The following DHX57 variants were observed in gnomAD, a reference collection of about 807,000 sequenced individuals.
The protein encoded by DHX57 is putative ATP-dependent RNA helicase DHX57.
Under a neutral mutation model 156.2 loss-of-function variants are expected in DHX57, and 105 were observed. The ratio of observed to expected loss-of-function variants is 0.67; its 90% CI spans 0.57 to 0.79. DHX57 has a LOEUF of 0.79. Among genes scored for constraint, DHX57 ranks in the 30% least tolerant of loss-of-function variants. The pLI is 0.00. For missense variants in DHX57, 1,847 were observed against 1,661.9 expected (o/e 1.11, Z -1.94); for synonymous variants, 704 against 595.6 (o/e 1.18, Z -2.65).
chr2:38,818,786 G>A (rs1670670997), intron 19 of DHX57, 91 bp downstream of exon 19: 9 of 1,407,104 alleles, frequency 6.4e-6, no homozygotes, highest in Non-Finnish European at 9.0e-6. Flanking sequence ...CATTTGCAAT[G>A]TTAAGACAGG....
chr2:38,803,533 G>T (rs1669798618), intron 22 of DHX57, among the ~76,000 whole-genome samples: 1 of 151,304 alleles, frequency 6.6e-6, no homozygotes, highest in Non-Finnish European at 1.5e-5. Context: ...TTTTGTCCAG[G>T]CTGGAGTGCA....
Position 38,819,068 on chromosome 2 carries a change from G to T in DHX57, c.3368C>A (p.Ala1123Asp). 6.2e-7 allele frequency: 1 copy of T among 1,614,186 alleles called. No homozygotes were observed. The highest frequency in any genetic ancestry group is 1.3e-5 in the African/African-American group (1 of 75,046). Residue 1123 changes from alanine (A) to aspartate (D), a missense_variant, in exon 18 of 24, where the codon GCC becomes GAC. Transcript: ENST00000457308. Reference sequence around the variant, plus strand: ...ACTTACCTTATACGCTTGTAGAAGGGCCAGATAATCACTGTTTGCGAATGC... The same window carrying T: ...ACTTACCTTATACGCTTGTAGAAGGTCCAGATAATCACTGTTTGCGAATGC... ...EFAFANSDYL[A>D]LLQAYKGWQL...
chr2:38,837,715 C>A, intron 13 of DHX57, 116 bp downstream of exon 13: 2 of 664,272 alleles, frequency 3.0e-6, no homozygotes, highest in Non-Finnish European at 5.4e-6. Flanking sequence ...AACCCCACTG[C>A]CTTGTAGCCT....
chr2:38,858,023 A>C (rs1672991451), intron 6 of DHX57, among the ~76,000 whole-genome samples: 1 of 152,086 alleles, frequency 6.6e-6, no homozygotes, highest in African/African-American at 2.4e-5. Flanking sequence ...ATGTGTTACC[A>C]CGCCCGCCTG....
At chr2:38,840,840 G>C (rs1236635658) in intron 12 of DHX57, among the ~76,000 whole-genome samples, 2 of 151,782 alleles carry the variant, frequency 1.3e-5, no homozygotes, top group African/African-American at 4.8e-5. Context: ...TCTTTTTTTT[G>C]AGACAAGGTC....
chr2:38,858,672 G>A lies in DHX57; in HGVS notation c.1576C>T (p.Arg526Ter), dbSNP rs374731216. The A allele has an allele frequency of 1.2e-5, 20 of 1,612,794 alleles. No homozygotes were observed. Among genetic ancestry groups the A allele is most frequent in the Admixed American group, 3.3e-5 (2 of 59,732 alleles). ...AENGKICKQF[R>*]MKQASRQFQS... ...TCAGCATACCCTACCTGTTTCATTC[G>A]GAACTGCTTGCAGATTTTACCATTT... The change falls in exon 6 of 24, where the codon CGA becomes TGA. Residue 526 changes from arginine (R) to a stop codon, truncating the protein, a stop_gained. Transcript: ENST00000457308. LOFTEE classifies it high-confidence loss of function.
intron 6 of DHX57, among the ~76,000 whole-genome samples, chr2:38,858,432 T>A (rs201979789): frequency 3.0e-5 from 1 of 33,510 alleles, no homozygotes; most frequent in Non-Finnish European, 1.1e-4. Flanking sequence ...CACATGACTC[T>A]GAGACTATTT....
chr2:38,834,586 A>C (rs3112153), intron 13 of DHX57, among the ~76,000 whole-genome samples: 15,799 of 152,140 alleles, frequency 0.1, 1,098 homozygotes, highest in South Asian at 0.15. Context: ...GTTCTTGTGC[A>C]TTTTTCATTG....
intron 1 of DHX57, among the ~76,000 whole-genome samples, chr2:38,874,085 C>CTTTT (rs1387004406): frequency 1.4e-5 from 2 of 146,246 alleles, no homozygotes; most frequent in African/African-American, 2.5e-5. Flanking sequence ...ACTGTCTTTT[C>CTTTT]TTTTTTCTTT....
intron 10 of DHX57, 152 bp downstream of exon 10, chr2:38,848,117 C>A: frequency 1.2e-6 from 1 of 840,178 alleles, no homozygotes. Flanking sequence ...TATGTTACCT[C>A]CTTATCAGCT....
intron 21 of DHX57, chr2:38,811,232 G>T: frequency 2.0e-6 from 1 of 499,314 alleles, no homozygotes; most frequent in South Asian, 1.7e-5. Flanking sequence ...GTAGAACTCA[G>T]GGATCCTCCC....
At chr2:38,859,840 G>C (rs1012449113) in intron 5 of DHX57, among the ~76,000 whole-genome samples, 1 of 134,340 alleles carries the variant, frequency 7.4e-6, no homozygotes, top group Non-Finnish European at 1.6e-5. Flanking sequence ...TTTTAATTAA[G>C]AAATAGAGTC....
chr2:38,833,341 C>A (rs992577948), intron 13 of DHX57, among the ~76,000 whole-genome samples: 1 of 151,938 alleles, frequency 6.6e-6, no homozygotes, highest in Non-Finnish European at 1.5e-5. Context: ...TGGTGTTTCT[C>A]CATGTTGGCC....
rs146225438 is a variant in DHX57 at position 38,823,183 on chromosome 2, C to G, written c.3101G>C (p.Arg1034Pro). 8 of 1,613,842 alleles carry G rather than the reference C, an allele frequency of 5.0e-6. No individual in the cohort carries two copies. In the East Asian group the frequency reaches 1.8e-4, roughly 36 times the overall value. The part of the protein sequence containing the change: ...LIEPPHTDSL[R>P]ASKIRLRDLG... ...GTCTCGTAATCGTATTTTTGAGGCA[C>G]GAAGAGAATCGGTGTGTGGAGGTTC... is the stretch of plus-strand genomic sequence containing the variant. The change falls in exon 17 of 24, where the codon CGT (arginine) becomes CCT (proline). Residue 1034 changes from arginine to proline, a missense_variant. Arg to Pro is a moderately radical substitution (Grantham distance 103, BLOSUM62 -2). Coordinates refer to ENST00000457308, the MANE Select transcript of DHX57 (RefSeq NM_198963.3).
chr2:38,857,037 G>C (rs1168867367), intron 6 of DHX57: 2 of 153,760 alleles, frequency 1.3e-5, no homozygotes, highest in African/African-American at 4.8e-5. Flanking sequence ...TTCCCAACAA[G>C]AGTCTCTATA....
chr2:38,861,468 T>C lies in DHX57; in HGVS notation c.942A>G (p.Lys314=), dbSNP rs1673204006. 1.2e-6 allele frequency: 2 copies of C among 1,614,086 alleles called. No individual in the cohort carries two copies. Among genetic ancestry groups the C allele is most frequent in the South Asian group, 2.2e-5 (2 of 91,078 alleles). The change falls in exon 5 of 24, where the codon AAA becomes AAG. Residue 314 remains lysine (K), a synonymous_variant. Transcript: ENST00000457308. Reference sequence around the variant, plus strand: ...GTTTGAATCTGCATTTTGATCCAAATTTACAATTTCCTTTGAGGTAAAATT... The same window carrying C: ...GTTTGAATCTGCATTTTGATCCAAACTTACAATTTCCTTTGAGGTAAAATT... The part of the protein sequence containing the change: ...ICKFYLKGNC[K]FGSKCRFKHE...
At position 38,868,365 on chromosome 2, in the gene DHX57, C is replaced by G; in HGVS notation, c.41G>C (p.Gly14Ala). ...SVRRKGKPGK[G>A]GGKGSSRGGR... is the part of the protein sequence containing the mutation. Reference sequence around the variant, plus strand: ...TCCTCTAGAAGACCCTTTTCCACCTCCTTTGCCTGGCTTGCCTTTTCTTCT... The same window carrying G: ...TCCTCTAGAAGACCCTTTTCCACCTGCTTTGCCTGGCTTGCCTTTTCTTCT... The change falls in exon 2 of 24, where the codon GGA becomes GCA. Residue 14 changes from glycine (G) to alanine (A), a missense_variant. Coordinates refer to ENST00000457308, the MANE Select transcript of DHX57 (RefSeq NM_198963.3). The G allele has an allele frequency of 6.2e-7, 1 of 1,613,700 alleles. No homozygotes were observed. Among genetic ancestry groups the G allele is most frequent in the South Asian group, 1.1e-5 (1 of 91,074 alleles).
intron 9 of DHX57, among the ~76,000 whole-genome samples, chr2:38,850,781 T>C (rs1046819079): frequency 1.3e-5 from 2 of 152,150 alleles, no homozygotes; most frequent in Admixed American, 6.5e-5. Flanking sequence ...TTCTTAATTT[T>C]ACAGATAATT....
In DHX57 at chr2:38,798,143, G is replaced by T; in HGVS notation, c.*156C>A. On this transcript the variant is annotated 3_prime_UTR_variant, in exon 24 of 24. Transcript: ENST00000457308. ...AGGCTTTGTTAGAAATGGCCCTAAG[G>T]GTATATACACTGCCTCAGCTGCCTT... 2 of 926,198 alleles carry T rather than the reference G, an allele frequency of 2.2e-6. No homozygotes were observed. Among genetic ancestry groups the T allele is most frequent in the Non-Finnish European group, 3.2e-6 (2 of 622,852 alleles). 57.4% of individuals were successfully genotyped at this position (926,198 alleles called of 1,614,324 possible).
Sources: gnomAD v4.1 joint callset for allele counts (sites outside exome capture counted in the v4.1 genomes callset) on GRCh38, gnomAD v4.1.1 for gene constraint, MANE v1.5 for transcripts, NCBI Gene and HGNC (gene_info 2026-07-23, HGNC 2026-07-21) for gene names.